The following ERMARD variants were observed in gnomAD, a reference collection of about 807,000 sequenced individuals.
The protein encoded by ERMARD is endoplasmic reticulum membrane-associated RNA degradation protein.
Under a neutral mutation model 83.9 loss-of-function variants are expected in ERMARD, and 71 were observed. The observed-to-expected ratio is 0.85, with a 90% CI of 0.70 to 1.03. The LOEUF (loss-of-function observed/expected upper bound fraction) is 1.03. Ranked by LOEUF, ERMARD falls within the 50% of genes least tolerant of loss-of-function variation. ERMARD has a pLI of 0.00. For synonymous variants in ERMARD, 284 were observed against 298.6 expected (o/e 0.95, Z 0.50); for missense variants, 838 against 810.9 (o/e 1.03, Z -0.41).
Position 169,769,688 on chromosome 6 carries a change from A to G in ERMARD, c.1208A>G (p.Asp403Gly). 6.2e-7 allele frequency: 1 copy of G among 1,608,416 alleles called. No homozygotes were observed. ...CTTGTACTGCTACTCAGATTCGTTG[A>G]TGACTGTCTGCTATCAGTTTTTAAG... ...FSLVLLLRFV[D>G]DCLLSVFKEK... The change falls in exon 12 of 18, where the codon GAT (aspartate) becomes GGT (glycine). Residue 403 changes from aspartate to glycine, a missense_variant. Physicochemically the swap from Asp to Gly is moderately conservative, Grantham distance 94. Coordinates refer to ENST00000366773, the MANE Select transcript of ERMARD (RefSeq NM_018341.3).
chr6:169,780,738 T>G (rs560604150), intron 17 of ERMARD, among the ~76,000 whole-genome samples: 1 of 152,198 alleles, frequency 6.6e-6, no homozygotes. Context: ...ACTGCACAGG[T>G]CCACTTGTCC....
rs761653926 is a variant in ERMARD at position 169,775,312 on chromosome 6, C to A, written c.1360C>A (p.Pro454Thr). The A allele has an allele frequency of 1.2e-6, 2 of 1,614,184 alleles. No individual in the cohort carries two copies. The highest frequency in any genetic ancestry group is 3.3e-5 in the Admixed American group (2 of 60,018). The part of the protein sequence containing the change: ...EESIRVWALL[P>T]FPEELTRQAV... ...GAGCATCAGGGTTTGGGCTCTGCTG[C>A]CTTTCCCCGAAGAACTCACTCGGCA... Residue 454 changes from proline to threonine, a missense_variant, in exon 14 of 18, where the codon CCT (proline) becomes ACT (threonine). Pro to Thr is a conservative substitution (Grantham distance 38, BLOSUM62 -1). Coordinates refer to ENST00000366773, the MANE Select transcript of ERMARD (RefSeq NM_018341.3).
intron 9 of ERMARD, 89 bp from the exon 10 acceptor site, chr6:169,766,549 T>A: frequency 9.5e-7 from 1 of 1,048,252 alleles, no homozygotes; most frequent in Non-Finnish European, 1.4e-6. Context: ...TGTGTGGCCA[T>A]GTACCAGAAT....
At chr6:169,755,475 G>C (rs1164525639) in intron 3 of ERMARD, 53 bp downstream of exon 3, 1 of 1,597,098 alleles carries the variant, frequency 6.3e-7, no homozygotes, top group Non-Finnish European at 8.5e-7. Context: ...ATACTACTTA[G>C]AGGACGTACT....
chr6:169,760,113 G>A, intron 7 of ERMARD, 139 bp downstream of exon 7: 1 of 1,460,672 alleles, frequency 6.8e-7, no homozygotes, highest in Non-Finnish European at 9.1e-7. Context: ...AGAGTTGCTT[G>A]AAGAACCTCC....
intron 1 of ERMARD, chr6:169,752,042 G>A: frequency 6.9e-6 from 2 of 290,916 alleles, no homozygotes; most frequent in Non-Finnish European, 1.3e-5. Context: ...GTCGCTGCCT[G>A]TAGGGTCCAC....
intron 1 of ERMARD, among the ~76,000 whole-genome samples, chr6:169,752,531 CT>C (rs1307240739): frequency 2.6e-5 from 4 of 152,152 alleles, no homozygotes; most frequent in Non-Finnish European, 4.4e-5. Flanking sequence ...TTAGTGATGA[CT>C]TAATTGTTAG....
Position 169,760,742 on chromosome 6 carries a change from G to C in ERMARD, c.843G>C (p.Lys281Asn). 6.2e-7 allele frequency: 1 copy of C among 1,613,168 alleles called. No homozygotes were observed. The highest frequency in any genetic ancestry group is 2.2e-5 in the East Asian group (1 of 44,874). The change falls in exon 8 of 18, where the codon AAG (lysine) becomes AAC (asparagine). Residue 281 changes from lysine (K) to asparagine (N), a missense_variant. Lys to Asn is a moderately conservative substitution (Grantham distance 94). Transcript: ENST00000366773. ...CATATTGGGAAGTTGCACTGGTCAAGTTCAAGTCACACAGGTAACTAAAGG... is the reference window on the plus strand; with the variant it reads ...CATATTGGGAAGTTGCACTGGTCAACTTCAAGTCACACAGGTAACTAAAGG... ...MLPYWEVALV[K>N]FKSHRFADCA...
intron 1 of ERMARD, among the ~76,000 whole-genome samples, chr6:169,753,547 T>C (rs1383644255): frequency 6.6e-6 from 1 of 152,122 alleles, no homozygotes; most frequent in Non-Finnish European, 1.5e-5. Context: ...TTTTCTTTTT[T>C]TTTTTTAAGT....
chr6:169,776,209 A>T, intron 15 of ERMARD, 144 bp downstream of exon 15: 1 of 1,514,126 alleles, frequency 6.6e-7, no homozygotes, highest in Non-Finnish European at 9.0e-7. Context: ...AGGAATTATG[A>T]GATAAGTTTT....
chr6:169,774,888 G>A (rs1393107144), intron 13 of ERMARD, among the ~76,000 whole-genome samples: 3 of 152,238 alleles, frequency 2.0e-5, no homozygotes, highest in African/African-American at 7.2e-5. Flanking sequence ...GGCCTGAACT[G>A]GAGAGGCACC....
intron 13 of ERMARD, among the ~76,000 whole-genome samples, chr6:169,773,997 A>G (rs1165097253): frequency 2.0e-5 from 3 of 152,218 alleles, no homozygotes; most frequent in African/African-American, 7.2e-5. Context: ...CTGTAAAATC[A>G]ACACACGGCG....
Position 169,779,203 on chromosome 6 carries a change from G to C in ERMARD, c.1761G>C (p.Val587=). ...MWSSIRLLSP[V]LSLILLLIAL... is the part of the protein sequence containing the mutation. ...TTAGTATCAGACTACTGTCCCCTGT[G>C]CTCAGCCTGATACTGTTACTCATTG... is the stretch of plus-strand genomic sequence containing the variant. The change falls in exon 17 of 18, where the codon GTG becomes GTC. Residue 587 remains valine, a synonymous_variant. Coordinates refer to ENST00000366773, the MANE Select transcript of ERMARD (RefSeq NM_018341.3). The C allele has an allele frequency of 6.2e-7, 1 of 1,614,144 alleles. No individual in the cohort carries two copies. The highest frequency in any genetic ancestry group is 8.5e-7 in the Non-Finnish European group (1 of 1,179,994).
At chr6:169,763,522 C>T (rs1473264125) in intron 9 of ERMARD, among the ~76,000 whole-genome samples, 1 of 152,244 alleles carries the variant, frequency 6.6e-6, no homozygotes, top group Admixed American at 6.5e-5. Context: ...GGCATGGAAG[C>T]GTTCCTGGAT....
At chr6:169,775,897 C>T in intron 14 of ERMARD, 43 bp from the exon 15 acceptor site, 1 of 1,607,212 alleles carries the variant, frequency 6.2e-7, no homozygotes, top group Non-Finnish European at 8.5e-7. Flanking sequence ...CTGATGTGAG[C>T]ACTTTAATTG....
At chr6:169,751,491 C>T (rs1178956609), upstream of ERMARD, 7 of 1,609,850 alleles carry the variant, frequency 4.3e-6, no homozygotes, top group Non-Finnish European at 5.9e-6. Flanking sequence ...CCACCGCCTC[C>T]CCTTCACCGC....
intron 13 of ERMARD, among the ~76,000 whole-genome samples, chr6:169,774,484 C>A (rs186947755): frequency 2.6e-4 from 40 of 152,272 alleles, no homozygotes; most frequent in African/African-American, 9.6e-4. Flanking sequence ...AAGAAGGCAG[C>A]CTTTGTCTTC....
At chr6:169,760,559 A>T (rs770280314) in intron 7 of ERMARD, 83 bp from the exon 8 acceptor site, 29 of 994,552 alleles carry the variant, frequency 2.9e-5, no homozygotes, top group Non-Finnish European at 4.1e-5. Context: ...GGGTTGGCTC[A>T]TTGGCATCAC....
chr6:169,759,508 C>T (rs1299924222), intron 6 of ERMARD, among the ~76,000 whole-genome samples: 1 of 152,106 alleles, frequency 6.6e-6, no homozygotes, highest in African/African-American at 2.4e-5. Flanking sequence ...CAACCTCCTC[C>T]TCCCAGGCTT....
Sources: gnomAD v4.1 joint callset for allele counts (sites outside exome capture counted in the v4.1 genomes callset) on GRCh38, gnomAD v4.1.1 for gene constraint, MANE v1.5 for transcripts, NCBI Gene and HGNC (gene_info 2026-07-23, HGNC 2026-07-21) for gene names.